The following GRM7 variants were observed in gnomAD, a reference collection of about 807,000 sequenced individuals.
The protein encoded by GRM7 is metabotropic glutamate receptor 7.
Under a neutral mutation model 84.5 loss-of-function variants are expected in GRM7, and 35 were observed. That is an observed-to-expected ratio of 0.41 (90% CI 0.32 to 0.55). The LOEUF is 0.55. GRM7 is among the 20% of genes least tolerant of loss of function. The pLI, the probability that GRM7 is intolerant of heterozygous loss-of-function variation, is 0.19. For synonymous variants in GRM7, 487 were observed against 455.1 expected (o/e 1.07, Z -0.89); for missense variants, 1,003 against 1,194.6 (o/e 0.84, Z 2.36).
chr3:6,937,900 C>T (rs1697745545), intron 1 of GRM7, among the ~76,000 whole-genome samples: 1 of 152,152 alleles, frequency 6.6e-6, no homozygotes, highest in Non-Finnish European at 1.5e-5. Flanking sequence ...AGACTACATG[C>T]CTCTTGTCTA....
chr3:7,454,970 A>G (rs1295469681), intron 6 of GRM7, among the ~76,000 whole-genome samples: 1 of 152,130 alleles, frequency 6.6e-6, no homozygotes, highest in African/African-American at 2.4e-5. Context: ...CCCTTAGAAA[A>G]TGGTTGGGAC....
chr3:7,646,318 A>G (rs1055422181), intron 8 of GRM7, among the ~76,000 whole-genome samples: 1 of 152,074 alleles, frequency 6.6e-6, no homozygotes, highest in Non-Finnish European at 1.5e-5. Flanking sequence ...CAGCCTCCTG[A>G]GTAGTTGGGA....
At chr3:7,220,779 T>C (rs1011245251) in intron 2 of GRM7, among the ~76,000 whole-genome samples, 4 of 152,176 alleles carry the variant, frequency 2.6e-5, no homozygotes, top group South Asian at 2.1e-4. Flanking sequence ...ATCTGAAACC[T>C]TCTAAAATAT....
chr3:6,926,055 AC>A (rs1172069536), intron 1 of GRM7, among the ~76,000 whole-genome samples: 1 of 151,782 alleles, frequency 6.6e-6, no homozygotes, highest in East Asian at 1.9e-4. Flanking sequence ...AGAAAGAGGG[AC>A]CCCCCAAAAC....
At chr3:7,216,677 G>A (rs1696624044) in intron 2 of GRM7, among the ~76,000 whole-genome samples, 1 of 152,068 alleles carries the variant, frequency 6.6e-6, no homozygotes, top group African/African-American at 2.4e-5. Context: ...CTCTATTATT[G>A]CATACATTTC....
At chr3:7,411,961 C>T (rs986262183) in intron 4 of GRM7, among the ~76,000 whole-genome samples, 3 of 151,990 alleles carry the variant, frequency 2.0e-5, no homozygotes, top group African/African-American at 4.8e-5. Context: ...TCTCTCTTCT[C>T]TCTTCTCTCC....
At chr3:7,326,698 T>C (rs1701001261) in intron 4 of GRM7, among the ~76,000 whole-genome samples, 1 of 151,682 alleles carries the variant, frequency 6.6e-6, no homozygotes, top group Non-Finnish European at 1.5e-5. Context: ...AAATATAAAA[T>C]TAGCCAGGTG....
chr3:7,515,986 T>A (rs911582350), intron 7 of GRM7, among the ~76,000 whole-genome samples: 1 of 151,144 alleles, frequency 6.6e-6, no homozygotes, highest in African/African-American at 2.4e-5. Context: ...CTACAAAAAA[T>A]AAATAAATAA....
chr3:7,458,096 T>C (rs144006453), intron 6 of GRM7, among the ~76,000 whole-genome samples: 57 of 152,280 alleles, frequency 3.7e-4, no homozygotes, highest in African/African-American at 1.3e-3. Flanking sequence ...AGTAAATACG[T>C]TGATGCAGAA....
intron 1 of GRM7, among the ~76,000 whole-genome samples, chr3:6,956,176 T>C (rs1028083197): frequency 2.0e-5 from 3 of 152,186 alleles, no homozygotes; most frequent in Non-Finnish European, 4.4e-5. Context: ...AATAACTCTC[T>C]AAGGCAGGGA....
intron 7 of GRM7, among the ~76,000 whole-genome samples, chr3:7,521,254 G>C (rs1285401885): frequency 1.3e-5 from 2 of 152,154 alleles, no homozygotes; most frequent in Admixed American, 1.3e-4. Context: ...TGTTCCCCTA[G>C]CCTTGGTGCA....
chr3:7,569,037 A>G (rs57186714), intron 7 of GRM7, among the ~76,000 whole-genome samples: 2,261 of 152,302 alleles, frequency 0.015, 76 homozygotes, highest in African/African-American at 0.05. Context: ...GATCCACTGG[A>G]TGAAGCCAGC....
chr3:6,960,290 G>A (rs912681237), intron 1 of GRM7, among the ~76,000 whole-genome samples: 3 of 151,990 alleles, frequency 2.0e-5, no homozygotes, highest in African/African-American at 7.2e-5. Flanking sequence ...AGAATTCTTT[G>A]TGGTCCTGAT....
intron 7 of GRM7, among the ~76,000 whole-genome samples, chr3:7,523,448 C>G (rs908353305): frequency 6.6e-6 from 1 of 152,146 alleles, no homozygotes; most frequent in African/African-American, 2.4e-5. Flanking sequence ...CTAGGCCGGA[C>G]TTTAATGCAG....
intron 2 of GRM7, among the ~76,000 whole-genome samples, chr3:7,202,616 C>T (rs1377662895): frequency 6.6e-6 from 1 of 152,178 alleles, no homozygotes; most frequent in Non-Finnish European, 1.5e-5. Flanking sequence ...CAGACATGAG[C>T]CACAGCAGCT....
At chr3:7,384,327 C>A (rs1159666246) in intron 4 of GRM7, among the ~76,000 whole-genome samples, 1 of 151,972 alleles carries the variant, frequency 6.6e-6, no homozygotes, top group Non-Finnish European at 1.5e-5. Flanking sequence ...CTGCACCTGG[C>A]CGAATAATAC....
chr3:7,078,141 G>C (rs1451742953), intron 1 of GRM7, among the ~76,000 whole-genome samples: 1 of 152,164 alleles, frequency 6.6e-6, no homozygotes, highest in African/African-American at 2.4e-5. Context: ...ATTAAAGCTG[G>C]TGATGAATTC....
chr3:6,992,031 GA>G (rs1170665701), intron 1 of GRM7, among the ~76,000 whole-genome samples: 1 of 151,824 alleles, frequency 6.6e-6, no homozygotes, highest in African/African-American at 2.4e-5. Flanking sequence ...CGTAAGGACA[GA>G]AAAAACTAAT....
At chr3:7,038,731 T>C (rs1696478310) in intron 1 of GRM7, among the ~76,000 whole-genome samples, 2 of 152,254 alleles carry the variant, frequency 1.3e-5, no homozygotes, top group East Asian at 1.9e-4. Context: ...TAAAAAGAGG[T>C]TGATACAATT....
Sources: allele counts gnomAD v4.1 joint callset (sites outside exome capture counted in the v4.1 genomes callset), GRCh38; gene constraint gnomAD v4.1.1; transcripts MANE v1.5; gene names NCBI Gene and HGNC (gene_info 2026-07-23, HGNC 2026-07-21).